The following IMMP2L variants were observed in gnomAD, a reference collection of about 807,000 sequenced individuals.
IMMP2L encodes the protein inner mitochondrial membrane peptidase subunit 2.
IMMP2L carries 18 observed loss-of-function variants against 19.3 expected under a neutral mutation model. The ratio of observed to expected loss-of-function variants is 0.93; its 90% CI spans 0.64 to 1.38. IMMP2L has a LOEUF of 1.38. IMMP2L is among the 40% of genes most tolerant of loss of function. The pLI, the probability that IMMP2L is intolerant of heterozygous loss-of-function variation, is 0.00. For synonymous variants in IMMP2L, 76 were observed against 73.0 expected (o/e 1.04, Z -0.21); for missense variants, 233 against 218.2 (o/e 1.07, Z -0.43).
At position 111,028,006 on chromosome 7, in the gene IMMP2L, T is replaced by G. The variant is rs889572004; in HGVS notation, c.240-64441A>C. On this transcript the variant is annotated intron_variant, in intron 3 of 5. Transcript: ENST00000405709. ...GAAATTTAAATTCATGGGTTAAAAA[T>G]AAGTCATATATTTTACCTTAAAACT... Among the ~76,000 whole-genome samples the G allele has an allele frequency of 8.5e-5, 13 of 152,174 alleles. No individual in the cohort carries two copies. In the East Asian group the frequency reaches 2.1e-3, roughly 25 times the overall value.
intron 4 of IMMP2L, among the ~76,000 whole-genome samples, chr7:110,952,617 G>T (rs1211071623): frequency 6.6e-6 from 1 of 152,242 alleles, no homozygotes; most frequent in African/African-American, 2.4e-5. Context: ...AGTATCAAAA[G>T]TTAGAAACTG....
chr7:111,419,936 A>C (rs1835325414), intron 3 of IMMP2L, among the ~76,000 whole-genome samples: 1 of 151,818 alleles, frequency 6.6e-6, no homozygotes, highest in Non-Finnish European at 1.5e-5. Flanking sequence ...GAAGTGTTAC[A>C]TAGTTATTGC....
intron 3 of IMMP2L, among the ~76,000 whole-genome samples, chr7:111,273,130 C>T (rs1261374606): frequency 1.3e-5 from 2 of 151,694 alleles, no homozygotes; most frequent in Admixed American, 6.6e-5. Flanking sequence ...TACAAAAATT[C>T]ACTGGGCATG....
chr7:111,192,998 C>T (rs531234880), intron 3 of IMMP2L, among the ~76,000 whole-genome samples: 1 of 152,114 alleles, frequency 6.6e-6, no homozygotes, highest in East Asian at 1.9e-4. Context: ...TGAGACAGCT[C>T]TGGATGATCC....
intron 3 of IMMP2L, chr7:111,125,365 G>C (rs1189434202): frequency 6.0e-6 from 1 of 167,494 alleles, no homozygotes; most frequent in Non-Finnish European, 1.5e-5. Flanking sequence ...TGAGTATGTG[G>C]ACCTCTTTTA....
intron 5 of IMMP2L, among the ~76,000 whole-genome samples, chr7:110,675,102 C>T (rs1047997336): frequency 2.0e-5 from 3 of 152,170 alleles, no homozygotes; most frequent in African/African-American, 7.2e-5. Context: ...TAGCACAACT[C>T]TTATTTTCTT....
chr7:110,882,785 A>G (rs888852229), intron 5 of IMMP2L, among the ~76,000 whole-genome samples: 1 of 151,026 alleles, frequency 6.6e-6, no homozygotes, highest in Non-Finnish European at 1.5e-5. Flanking sequence ...TTTTTTTTTA[A>G]CCAAAGAAGC....
At chr7:111,020,530 G>C (rs962140094) in intron 3 of IMMP2L, among the ~76,000 whole-genome samples, 2 of 152,206 alleles carry the variant, frequency 1.3e-5, no homozygotes, top group Non-Finnish European at 1.5e-5. Context: ...GGGATGCTGA[G>C]ACAGGTGGAT....
At position 111,503,971 on chromosome 7, in the gene IMMP2L, T is replaced by G. The variant is rs561881259; in HGVS notation, c.136-16630A>C. ...ACATAGTGTTGGAAATTCTGGCCAG[T>G]GCAATCAGGCAGGAGAAGGAAATAA... On this transcript the variant is annotated intron_variant, in intron 2 of 5. Coordinates refer to ENST00000405709, the MANE Select transcript of IMMP2L (RefSeq NM_032549.4). Among the ~76,000 whole-genome samples the G allele has an allele frequency of 9.6e-3, 1,456 of 151,240 alleles. 14 individuals carry two copies. Among genetic ancestry groups the G allele is most frequent in the African/African-American group, 0.026 (1,050 of 40,718 alleles).
At chr7:111,328,998 T>C (rs1045868834) in intron 3 of IMMP2L, among the ~76,000 whole-genome samples, 21 of 151,840 alleles carry the variant, frequency 1.4e-4, no homozygotes, top group African/African-American at 4.6e-4. Flanking sequence ...GATCTCAGAA[T>C]CTACTTTTTC....
intron 3 of IMMP2L, among the ~76,000 whole-genome samples, chr7:111,387,035 CAGA>C (rs1831830192): frequency 6.6e-6 from 1 of 152,092 alleles, no homozygotes; most frequent in African/African-American, 2.4e-5. Context: ...TCAAAAATAG[CAGA>C]AGAATACTTC....
At chr7:110,897,109 T>C (rs1247148490) in intron 4 of IMMP2L, among the ~76,000 whole-genome samples, 1 of 152,116 alleles carries the variant, frequency 6.6e-6, no homozygotes, top group Non-Finnish European at 1.5e-5. Flanking sequence ...AAAGTAGGAT[T>C]GGGGAAAGCC....
chr7:110,742,928 C>G (rs966252718), intron 5 of IMMP2L, among the ~76,000 whole-genome samples: 1 of 152,150 alleles, frequency 6.6e-6, no homozygotes, highest in African/African-American at 2.4e-5. Flanking sequence ...TTCCTACGTA[C>G]ATTACGCTGA....
At chr7:110,721,961 G>A (rs919803083) in intron 5 of IMMP2L, among the ~76,000 whole-genome samples, 3 of 152,116 alleles carry the variant, frequency 2.0e-5, no homozygotes, top group African/African-American at 7.2e-5. Context: ...TAATAAAGGT[G>A]AAAATCTAAG....
At chr7:111,254,626 T>G (rs981418741) in intron 3 of IMMP2L, among the ~76,000 whole-genome samples, 1 of 152,110 alleles carries the variant, frequency 6.6e-6, no homozygotes, top group Non-Finnish European at 1.5e-5. Context: ...AAAAATCAAG[T>G]CACATATATG....
At chr7:111,159,138 C>T (rs868605995) in intron 3 of IMMP2L, among the ~76,000 whole-genome samples, 6 of 152,196 alleles carry the variant, frequency 3.9e-5, no homozygotes, top group African/African-American at 7.2e-5. Context: ...TATTTAGAGA[C>T]GGAGTCTCGC....
At position 111,524,442 on chromosome 7, in the gene IMMP2L, G is replaced by A. The variant is rs899312097; in HGVS notation, c.-2-2993C>T. 1.8e-4 allele frequency among the ~76,000 whole-genome samples: 28 copies of A among 151,896 alleles called. 1 individual carries two copies. Among genetic ancestry groups the A allele is most frequent in the Admixed American group, 1.7e-3 (26 of 15,230 alleles). On this transcript the variant is annotated intron_variant, in intron 1 of 5. Coordinates refer to ENST00000405709, the MANE Select transcript of IMMP2L (RefSeq NM_032549.4). ...TGATAGCTTCAAAGTTATTTTAAGTGGTCTACACTTATGTTTAAGTCATAT... is the reference window on the plus strand; with the variant it reads ...TGATAGCTTCAAAGTTATTTTAAGTAGTCTACACTTATGTTTAAGTCATAT...
intron 3 of IMMP2L, among the ~76,000 whole-genome samples, chr7:111,071,019 T>C (rs960132774): frequency 2.6e-5 from 4 of 152,054 alleles, no homozygotes; most frequent in East Asian, 1.9e-4. Flanking sequence ...TATAAATCAA[T>C]AACAAAAAGA....
chr7:111,415,035 A>T (rs1260353262), intron 3 of IMMP2L, among the ~76,000 whole-genome samples: 1 of 151,872 alleles, frequency 6.6e-6, no homozygotes, highest in Non-Finnish European at 1.5e-5. Flanking sequence ...ACGTAATTAA[A>T]GTCCCAAAGC....
Sources: gnomAD v4.1 joint callset for allele counts (sites outside exome capture counted in the v4.1 genomes callset) on GRCh38, gnomAD v4.1.1 for gene constraint, MANE v1.5 for transcripts, NCBI Gene and HGNC (gene_info 2026-07-23, HGNC 2026-07-21) for gene names.